Variants in ANKRD42 observed in about 807,000 individuals in gnomAD.
ANKRD42 encodes the protein ankyrin repeat domain-containing protein 42.
A neutral mutation model predicts 51.5 loss-of-function variants in ANKRD42; 43 were observed. The observed-to-expected ratio is 0.83, with a 90% CI of 0.65 to 1.08. The LOEUF (loss-of-function observed/expected upper bound fraction) is 1.08. Ranked by LOEUF, ANKRD42 falls within the 50% of genes least tolerant of loss-of-function variation. The probability of loss-of-function intolerance (pLI) is 0.00; values close to 1 mark genes in which losing one functional copy is unlikely to be tolerated. For missense variants in ANKRD42, 608 were observed against 629.3 expected (o/e 0.97, Z 0.36); for synonymous variants, 203 against 213.0 (o/e 0.95, Z 0.41).
At chr11:83,256,048 A>T (rs1863767676) in exon 12 of ANKRD42, 1 of 694,748 alleles carries the variant, frequency 1.4e-6, no homozygotes, top group Non-Finnish European at 2.2e-6. Context: ...TTCTGTTCCA[A>T]TTCTGATGGC....
At chr11:83,232,653 G>T (rs1325823293) in intron 7 of ANKRD42, among the ~76,000 whole-genome samples, 2 of 152,060 alleles carry the variant, frequency 1.3e-5, no homozygotes, top group Non-Finnish European at 2.9e-5. Flanking sequence ...GATGAAAGTG[G>T]GCATCCTTGT....
chr11:83,228,928 C>T (rs150886012), intron 7 of ANKRD42, among the ~76,000 whole-genome samples: 1 of 141,672 alleles, frequency 7.1e-6, no homozygotes, highest in Non-Finnish European at 1.5e-5. Context: ...TGAACATGTA[C>T]CTAAAGTTTT....
At chr11:83,198,830 A>G (rs1861760602) in intron 2 of ANKRD42, among the ~76,000 whole-genome samples, 188 bp downstream of exon 2, 2 of 152,222 alleles carry the variant, frequency 1.3e-5, no homozygotes, top group African/African-American at 4.8e-5. Flanking sequence ...ATTTAGCATA[A>G]TAAACTAATG....
chr11:83,242,151 A>G (rs147679417), intron 9 of ANKRD42, among the ~76,000 whole-genome samples: 108 of 152,272 alleles, frequency 7.1e-4, no homozygotes, highest in African/African-American at 2.6e-3. Context: ...TTAACATTCT[A>G]TGTATTCCCT....
chr11:83,216,357 G>A (rs923500443), intron 5 of ANKRD42, among the ~76,000 whole-genome samples: 1 of 148,762 alleles, frequency 6.7e-6, no homozygotes, highest in Non-Finnish European at 1.5e-5. Context: ...ACGGAGTCTC[G>A]CTGTCGCCCA....
Position 83,194,818 on chromosome 11 carries a change from T to G in ANKRD42, c.58+90T>G, listed in dbSNP as rs573333667. The stretch of plus-strand genomic sequence containing the variant: ...GCCTTAGCCCTTTCTGGCATTTCCT[T>G]TTCTCAGCCGTCACTCCCCCCTTTC... On this transcript the variant is annotated intron_variant, in intron 1 of 10. Transcript: ENST00000533342. 2.2e-6 allele frequency: 3 copies of G among 1,355,846 alleles called. No homozygotes were observed. In the African/African-American group the frequency reaches 4.4e-5, roughly 20 times the overall value. The allele number at this position is 1,355,846 out of a possible 1,614,324, so 84.0% of individuals were successfully genotyped here. A position where few individuals can be genotyped will look rare whatever the true frequency, so the allele number is the denominator to read the frequency against.
At chr11:83,230,592 C>CA (rs1863037835) in intron 7 of ANKRD42, among the ~76,000 whole-genome samples, 1 of 146,124 alleles carries the variant, frequency 6.8e-6, no homozygotes, top group Admixed American at 6.8e-5. Context: ...AGATCTTATT[C>CA]TTTTTTTTTT....
chr11:83,222,621 G>T (rs1208916947), intron 5 of ANKRD42, among the ~76,000 whole-genome samples: 6 of 152,164 alleles, frequency 3.9e-5, no homozygotes, highest in Non-Finnish European at 5.9e-5. Flanking sequence ...AACATTTCAG[G>T]TAGAGGTAAC....
intron 3 of ANKRD42, chr11:83,209,943 G>A (rs1590971983): frequency 5.4e-6 from 2 of 373,384 alleles, no homozygotes; most frequent in Non-Finnish European, 4.9e-6. Flanking sequence ...TGAGACTGTG[G>A]CTGTTACAGG....
chr11:83,220,918 A>G (rs1423137626), intron 5 of ANKRD42, among the ~76,000 whole-genome samples: 1 of 47,534 alleles, frequency 2.1e-5, no homozygotes, highest in Non-Finnish European at 4.2e-5. Context: ...ATTTCTGGAT[A>G]TTTATATTTA....
rs1426742772 is a variant in ANKRD42 at position 83,193,839 on chromosome 11, A to C, written c.-832A>C. 4.4e-6 allele frequency: 2 copies of C among 455,400 alleles called. No individual in the cohort carries two copies. The highest frequency in any genetic ancestry group is 1.6e-5 in the South Asian group (1 of 64,508). The allele number at this position is 455,400 out of a possible 1,614,324, so 28.2% of individuals were successfully genotyped here. A position where few individuals can be genotyped will look rare whatever the true frequency, so the allele number is the denominator to read the frequency against. On this transcript the variant is annotated 5_prime_UTR_variant, in exon 1 of 11. Coordinates refer to ENST00000533342, the MANE Select transcript of ANKRD42 (RefSeq NM_001300975.2). ...GCTACGGCGATTCGCAGGGAGTAGC[A>C]GACGAAGACGGTGGCCGCCGCACTA... is the stretch of plus-strand genomic sequence containing the variant.
chr11:83,199,767 TGAGTATG>T (rs1446563341), intron 2 of ANKRD42, among the ~76,000 whole-genome samples: 2 of 152,220 alleles, frequency 1.3e-5, no homozygotes, highest in African/African-American at 2.4e-5. Context: ...CTTCCTTCTG[TGAGTATG>T]GCAGTCCTGT....
At chr11:83,208,379 G>A (rs1862167278) in intron 3 of ANKRD42, among the ~76,000 whole-genome samples, 1 of 152,080 alleles carries the variant, frequency 6.6e-6, no homozygotes, top group African/African-American at 2.4e-5. Context: ...GTGTGTGTGT[G>A]TGTGTGAATA....
downstream of ANKRD42, among the ~76,000 whole-genome samples, chr11:83,252,618 A>G (rs1325839608): frequency 5.3e-5 from 8 of 152,210 alleles, no homozygotes; most frequent in Admixed American, 4.6e-4. Context: ...GTGTGATTAC[A>G]TGTAGTCCAC....
rs757575054 is a variant in ANKRD42, at chr11:83,212,962, C to T, written c.586+1532C>T. 152 of 1,558,950 alleles carry T rather than the reference C, an allele frequency of 9.8e-5. No individual in the cohort carries two copies. The African/African-American group carries it at 1.0e-3, about 10-fold the overall frequency. On this transcript the variant is annotated intron_variant, in intron 5 of 10. Transcript: ENST00000533342. ...CTCAAAAAACAAAAAGCCCCTCTCT[C>T]GGCGCTGCCTACGGAGGTGGCAGCC...
chr11:83,263,262 C>G (rs1488409140), downstream of ANKRD42, among the ~76,000 whole-genome samples: 1 of 152,146 alleles, frequency 6.6e-6, no homozygotes, highest in Non-Finnish European at 1.5e-5. Flanking sequence ...CAAATGAACA[C>G]TTATTGTGAG....
At chr11:83,238,885 A>G (rs1012566879) in intron 8 of ANKRD42, among the ~76,000 whole-genome samples, 2 of 151,616 alleles carry the variant, frequency 1.3e-5, no homozygotes, top group Admixed American at 1.3e-4. Context: ...GTGCACCTGT[A>G]GTCCCAGCTA....
At chr11:83,195,180 T>G (rs1039077601) in intron 1 of ANKRD42, among the ~76,000 whole-genome samples, 1 of 152,216 alleles carries the variant, frequency 6.6e-6, no homozygotes, top group Non-Finnish European at 1.5e-5. Context: ...GGTTCTCTTT[T>G]TCTTGTCATT....
At chr11:83,244,785 T>C (rs1450622019) in intron 9 of ANKRD42, among the ~76,000 whole-genome samples, 1 of 152,250 alleles carries the variant, frequency 6.6e-6, no homozygotes, top group African/African-American at 2.4e-5. Flanking sequence ...GTACTACAAG[T>C]GACCAATCAC....
Sources: allele counts gnomAD v4.1 joint callset (sites outside exome capture counted in the v4.1 genomes callset), GRCh38; gene constraint gnomAD v4.1.1; transcripts MANE v1.5; gene names NCBI Gene and HGNC (gene_info 2026-07-23, HGNC 2026-07-21).